Variants in SRPK1 observed in about 807,000 individuals in gnomAD.
SRPK1 encodes SFRS protein kinase 1.
SRPK1 carries 52 observed loss-of-function variants against 89.5 expected under a neutral mutation model. The ratio of observed to expected loss-of-function variants is 0.58; its 90% CI spans 0.46 to 0.73. The LOEUF is 0.73. SRPK1 is among the 30% of genes least tolerant of loss of function. The probability of loss-of-function intolerance (pLI) is 0.00; values close to 1 mark genes in which losing one functional copy is unlikely to be tolerated. For synonymous variants in SRPK1, 255 were observed against 270.2 expected, an observed-to-expected ratio of 0.94 and a Z score of 0.55; for missense variants, 603 against 780.6, an observed-to-expected ratio of 0.77 and a Z score of 2.71.
intron 13 of SRPK1, among the ~76,000 whole-genome samples, chr6:35,854,614 G>A (rs1335231601): frequency 6.6e-6 from 1 of 151,956 alleles, no homozygotes; most frequent in Non-Finnish European, 1.5e-5. Flanking sequence ...GATTAATTAC[G>A]CCTTTATCTT....
At chr6:35,842,685 T>A in intron 13 of SRPK1, 81 bp from the exon 14 acceptor site, 1 of 978,942 alleles carries the variant, frequency 1.0e-6, no homozygotes, top group South Asian at 2.1e-5. Flanking sequence ...TGGCTCAATA[T>A]GAAGTAACTC....
At chr6:35,836,128 G>C (rs1345299343) in intron 15 of SRPK1, among the ~76,000 whole-genome samples, 1 of 152,148 alleles carries the variant, frequency 6.6e-6, no homozygotes, top group Non-Finnish European at 1.5e-5. Context: ...AAGCATTACT[G>C]CCTAAGCTCC....
chr6:35,857,019 C>A (rs1769679823), intron 13 of SRPK1: 1 of 416,422 alleles, frequency 2.4e-6, no homozygotes, highest in Non-Finnish European at 4.3e-6. Flanking sequence ...TTTCCCCCCA[C>A]TAACAATCTG....
chr6:35,864,718 T>C (rs1769857516), intron 12 of SRPK1, among the ~76,000 whole-genome samples: 1 of 152,182 alleles, frequency 6.6e-6, no homozygotes, highest in Non-Finnish European at 1.5e-5. Context: ...GAAATCTGTA[T>C]ATAAAAAAGA....
At chr6:35,907,392 C>T (rs1028325347) in intron 2 of SRPK1, among the ~76,000 whole-genome samples, 3 of 151,950 alleles carry the variant, frequency 2.0e-5, no homozygotes, top group Admixed American at 6.6e-5. Flanking sequence ...TAATATGATG[C>T]CTGGGATTTG....
chr6:35,866,594 GAAAA>G (rs1769910879), intron 12 of SRPK1, among the ~76,000 whole-genome samples: 1 of 151,654 alleles, frequency 6.6e-6, no homozygotes, highest in South Asian at 2.1e-4. Flanking sequence ...TAAAAAAAAA[GAAAA>G]AGAAAGAAGG....
In SRPK1 at chr6:35,869,057, C is replaced by T; in HGVS notation, c.1465G>A (p.Glu489Lys). 1 of 1,614,044 alleles carries T rather than the reference C, an allele frequency of 6.2e-7. No individual in the cohort carries two copies. The highest frequency in any genetic ancestry group is 1.1e-5 in the South Asian group (1 of 91,070). The stretch of plus-strand genomic sequence containing the variant: ...TCAGCAATCTTCACCTTGAGCTTTT[C>T]TGCATTTTTTGGCTCAAGGGGATTA... Reference protein sequence around the residue: ...LVNPLEPKNAEKLKVKIADLG... With the variant: ...LVNPLEPKNAKKLKVKIADLG... Residue 489 changes from glutamate to lysine, a missense_variant, in exon 12 of 16, where the codon GAA becomes AAA. Physicochemically the swap from Glu to Lys is moderately conservative, Grantham distance 56 (BLOSUM62 1). Coordinates refer to ENST00000373825, the MANE Select transcript of SRPK1 (RefSeq NM_003137.5).
At chr6:35,911,413 T>G (rs1348193404) in intron 2 of SRPK1, among the ~76,000 whole-genome samples, 3 of 151,976 alleles carry the variant, frequency 2.0e-5, no homozygotes, top group Non-Finnish European at 4.4e-5. Flanking sequence ...CTGCTTCTTA[T>G]GATGAGAAAG....
At chr6:35,859,739 A>T (rs1769739264) in intron 12 of SRPK1, among the ~76,000 whole-genome samples, 1 of 152,210 alleles carries the variant, frequency 6.6e-6, no homozygotes, top group South Asian at 2.1e-4. Context: ...AAGAAGTGAG[A>T]TCCAATCTGA....
At chr6:35,916,027 C>T (rs1336754086) in intron 2 of SRPK1, among the ~76,000 whole-genome samples, 1 of 96,398 alleles carries the variant, frequency 1.0e-5, no homozygotes, top group African/African-American at 3.1e-5. Context: ...CACACACACA[C>T]ACACACACAC....
chr6:35,892,496 A>T (rs2127258900), intron 2 of SRPK1, among the ~76,000 whole-genome samples: 1 of 152,258 alleles, frequency 6.6e-6, no homozygotes, highest in South Asian at 2.1e-4. Context: ...TATTAAAAAT[A>T]TAAAAATTAG....
intron 2 of SRPK1, among the ~76,000 whole-genome samples, chr6:35,903,646 A>G (rs1770791938): frequency 6.6e-6 from 1 of 152,262 alleles, no homozygotes. Flanking sequence ...ATGATTGACT[A>G]CAAGTACCAA....
chr6:35,872,345 C>T (rs1350523512), intron 8 of SRPK1, among the ~76,000 whole-genome samples: 2 of 152,172 alleles, frequency 1.3e-5, no homozygotes, highest in African/African-American at 4.8e-5. Flanking sequence ...AAACAATACA[C>T]ACCAGCTTTT....
intron 11 of SRPK1, 82 bp from the exon 12 acceptor site, chr6:35,869,192 A>G (rs894715064): frequency 5.0e-6 from 6 of 1,192,476 alleles, no homozygotes; most frequent in Admixed American, 2.3e-5. Context: ...CCAAGGTAAG[A>G]GTAATACAGT....
rs371577081 is a variant in SRPK1 at position 35,842,606 on chromosome 6, T to TAA, written c.1621-4_1621-3dup. On this transcript the variant is annotated splice_region_variant and splice_polypyrimidine_tract_variant and intron_variant, in intron 13 of 15. Coordinates refer to ENST00000373825, the MANE Select transcript of SRPK1 (RefSeq NM_003137.5). ...GTCACCTGTGGCCAGTTCAAAGGCC[T>TAA]AAAAAAAAAAGAGGACAGTATATGA... is the stretch of plus-strand genomic sequence containing the variant. 7.1e-5 allele frequency: 94 copies of TAA among 1,317,668 alleles called. No homozygotes were observed. Among genetic ancestry groups the TAA allele is most frequent in the Admixed American group, 3.4e-4 (16 of 46,446 alleles). 81.6% of individuals were successfully genotyped at this position (1,317,668 alleles called of 1,614,324 possible). A position where few individuals can be genotyped will look rare whatever the true frequency, so the allele number is the denominator to read the frequency against.
chr6:35,882,515 G>A (rs1201879175), intron 6 of SRPK1, among the ~76,000 whole-genome samples: 1 of 151,910 alleles, frequency 6.6e-6, no homozygotes, highest in Non-Finnish European at 1.5e-5. Flanking sequence ...ACAGGGTCTT[G>A]CTATGTTACC....
chr6:35,869,451 G>A, intron 11 of SRPK1, 31 bp downstream of exon 11: 2 of 1,596,394 alleles, frequency 1.3e-6, no homozygotes, highest in Non-Finnish European at 1.7e-6. Context: ...TGCAGGGAAG[G>A]AGTGTTGAGG....
At chr6:35,920,931 G>C (rs1441880442) in intron 1 of SRPK1, 113 bp downstream of exon 1, 1 of 1,250,092 alleles carries the variant, frequency 8.0e-7, no homozygotes, top group African/African-American at 1.6e-5. Context: ...CAGTGGAGGG[G>C]CGCCGCACGT....
intron 8 of SRPK1, among the ~76,000 whole-genome samples, chr6:35,871,162 T>TA (rs72430483): frequency 1.3e-5 from 2 of 151,790 alleles, no homozygotes; most frequent in African/African-American, 2.4e-5. Flanking sequence ...TTGCCAAACT[T>TA]AAAAAAAAGG....
Sources: gnomAD v4.1 joint callset for allele counts (sites outside exome capture counted in the v4.1 genomes callset) on GRCh38, gnomAD v4.1.1 for gene constraint, MANE v1.5 for transcripts, NCBI Gene and HGNC (gene_info 2026-07-23, HGNC 2026-07-21) for gene names.